Variants in CRX observed in about 807,000 individuals in gnomAD.
The protein encoded by CRX is cone-rod homeobox.
A neutral mutation model predicts 13.1 loss-of-function variants in CRX; 5 were observed. That is an observed-to-expected ratio of 0.38 (90% CI 0.20 to 0.80). The LOEUF (loss-of-function observed/expected upper bound fraction) is 0.80. CRX is among the 30% of genes least tolerant of loss of function. The pLI is 0.43. For synonymous variants in CRX, 179 were observed against 171.1 expected (o/e 1.05, Z -0.36); for missense variants, 351 against 391.8 (o/e 0.90, Z 0.88).
chr19:47,837,649 CAGAT>C (rs139726699), intron 3 of CRX, among the ~76,000 whole-genome samples: 26,834 of 151,894 alleles, frequency 0.18, 2,617 homozygotes, highest in Non-Finnish European at 0.22. Context: ...TTTGTATAAT[CAGAT>C]GGATGGATGA....
intron 1 of CRX, among the ~76,000 whole-genome samples, chr19:47,827,902 C>T (rs1227334535): frequency 3.5e-5 from 5 of 141,916 alleles, no homozygotes; most frequent in African/African-American, 5.3e-5. Flanking sequence ...GCCTGTAATC[C>T]CAGCACTTTG....
intron 1 of CRX, among the ~76,000 whole-genome samples, chr19:47,832,546 C>T (rs1968065481): frequency 6.6e-6 from 1 of 151,574 alleles, no homozygotes; most frequent in African/African-American, 2.4e-5. Flanking sequence ...GGTGTGGTGG[C>T]ACCATTTTGG....
intron 1 of CRX, among the ~76,000 whole-genome samples, chr19:47,824,409 G>A (rs1967950159): frequency 6.6e-6 from 1 of 152,076 alleles, no homozygotes; most frequent in African/African-American, 2.4e-5. Context: ...CCGCTGACGT[G>A]CGAGACAGAA....
chr19:47,824,311 G>C (rs117357408), intron 1 of CRX, among the ~76,000 whole-genome samples: 15,495 of 152,226 alleles, frequency 0.1, 1,063 homozygotes, highest in Non-Finnish European at 0.13. Flanking sequence ...GCTCCGTGGG[G>C]CTGTGGGGAG....
chr19:47,839,999 C>G lies in CRX; in HGVS notation c.*32C>G, dbSNP rs146699567. ...CAGTCTCCATCTCTCTCCATCGGGC[C>G]TCGGGACCCTTTCTCTTCTGAATCT... On this transcript the variant is annotated 3_prime_UTR_variant, in exon 4 of 4. Coordinates refer to ENST00000221996, the MANE Select transcript of CRX (RefSeq NM_000554.6). The surrounding 1 kb of genome is among the most constrained non-coding windows in gnomAD (Gnocchi z 4.6). The G allele has an allele frequency of 6.2e-7, 1 of 1,608,654 alleles. No homozygotes were observed. The highest frequency in any genetic ancestry group is 1.7e-5 in the Admixed American group (1 of 60,014).
Position 47,834,471 on chromosome 19 carries a change from C to G in CRX, c.28C>G (p.His10Asp), listed in dbSNP as rs139340178. 6.0e-4 allele frequency: 969 copies of G among 1,614,134 alleles called. 1 individual carries two copies. Among genetic ancestry groups the G allele is most frequent in the Admixed American group, 1.1e-3 (66 of 60,010 alleles). The change falls in exon 2 of 4, where the codon CAC becomes GAC. Residue 10 changes from histidine to aspartate, a missense_variant. Around this residue, in one of 3 missense-constraint regions of CRX, gnomAD observed 95 missense variants for 106.7 expected, o/e 0.89. Coordinates refer to ENST00000221996, the MANE Select transcript of CRX (RefSeq NM_000554.6). ...GATGGCGTATATGAACCCGGGGCCC[C>G]ACTATTCTGTCAACGCCTTGGCCCT... MMAYMNPGP[H>D]YSVNALALSG...
rs1274853417 is a variant in CRX at position 47,842,284 on chromosome 19, A to AT, written c.*2319dup. On this transcript the variant is annotated 3_prime_UTR_variant, in exon 4 of 4. Transcript: ENST00000221996. Reference sequence around the variant, plus strand: ...CCTGAGTCATGCTGGGTTCTGGGACATTAAGCCCAGGAGTGGGCCGGGTGC... The same window carrying AT: ...CCTGAGTCATGCTGGGTTCTGGGACATTTAAGCCCAGGAGTGGGCCGGGTGC... The AT allele has an allele frequency of 2.0e-5, 3 of 152,376 alleles. No homozygotes were observed. The highest frequency in any genetic ancestry group is 4.8e-5 in the African/African-American group (2 of 41,470). 9.4% of individuals were successfully genotyped at this position (152,376 alleles called of 1,614,324 possible).
rs548809331 is a variant in CRX, at chr19:47,836,573, G to A, written c.252+179G>A. On this transcript the variant is annotated intron_variant, in intron 3 of 3. Transcript: ENST00000221996. ...CGCCTCATGGCTCTCATTGCCCCTC[G>A]CTCCTCTCCAGCTGCGCTGGCCCTG... Among the ~76,000 whole-genome samples, 13 of 152,228 alleles carry A rather than the reference G, an allele frequency of 8.5e-5. No homozygotes were observed. In the South Asian group the frequency reaches 2.1e-3, roughly 24 times the overall value.
intron 1 of CRX, among the ~76,000 whole-genome samples, chr19:47,832,105 G>GTTTTTTTTTTTTTTTTTTTTT (rs71180891): frequency 2.2e-5 from 2 of 91,988 alleles, no homozygotes; most frequent in Non-Finnish European, 2.1e-5. Context: ...GCAGCCTTAT[G>GTTTTTTTTTTTTTTTTTTTTT]TTTTTTTTTT....
At chr19:47,824,147 G>A (rs1432145325) in intron 1 of CRX, among the ~76,000 whole-genome samples, 1 of 152,190 alleles carries the variant, frequency 6.6e-6, no homozygotes, top group Non-Finnish European at 1.5e-5. Flanking sequence ...TGTTTCTAGG[G>A]TCCCTAGGTA....
Position 47,836,400 on chromosome 19 carries a change from G to A in CRX, c.252+6G>A, listed in dbSNP as rs765251530. Reference sequence around the variant, plus strand: ...TGCCTGAGTCCAGGGTTCAGGTGGGGTGGTGGGTCCCTGGACCCCTCCCGA... The same window carrying A: ...TGCCTGAGTCCAGGGTTCAGGTGGGATGGTGGGTCCCTGGACCCCTCCCGA... On this transcript the variant is annotated splice_donor_region_variant and intron_variant, in intron 3 of 3. Transcript: ENST00000221996. 3 of 1,614,228 alleles carry A rather than the reference G, an allele frequency of 1.9e-6. No homozygotes were observed. The highest frequency in any genetic ancestry group is 1.3e-5 in the African/African-American group (1 of 75,066).
Position 47,839,352 on chromosome 19 carries a change from G to GCAGCAGCGACAGCAGCAGAAA in CRX, c.293_313dup (p.Arg98_Gln104dup). ...TCAAGAACCGGAGGGCTAAATGCAG[G>GCAGCAGCGACAGCAGCAGAAA]CAGCAGCGACAGCAGCAGAAACAGC... On this transcript the variant is annotated inframe_insertion, in exon 4 of 4. Transcript: ENST00000221996. The surrounding 1 kb of genome is among the most constrained non-coding windows in gnomAD (Gnocchi z 4.6). 6.2e-7 allele frequency: 1 copy of GCAGCAGCGACAGCAGCAGAAA among 1,613,606 alleles called. No homozygotes were observed.
chr19:47,835,219 T>C (rs1174871615), intron 2 of CRX, among the ~76,000 whole-genome samples: 1 of 121,868 alleles, frequency 8.2e-6, no homozygotes, highest in Non-Finnish European at 1.8e-5. Flanking sequence ...ATAGAAAAAA[T>C]TATTATTATT....
Position 47,832,008 on chromosome 19 carries a change from G to C in CRX, c.-35-2401G>C, listed in dbSNP as rs1041169179. On this transcript the variant is annotated intron_variant, in intron 1 of 3. Coordinates refer to ENST00000221996, the MANE Select transcript of CRX (RefSeq NM_000554.6). ...CCTGCTTTGGCCTCCCAAAGTGCTG[G>C]GATTGCAGATGTGAGCCACCACACC... is the stretch of plus-strand genomic sequence containing the variant. Among the ~76,000 whole-genome samples, 4 of 144,510 alleles carry C rather than the reference G, an allele frequency of 2.8e-5. No individual in the cohort carries two copies. In the East Asian group the frequency reaches 8.1e-4, roughly 29 times the overall value. 94.8% of individuals were successfully genotyped at this position (144,510 alleles called of 152,430 possible).
At chr19:47,829,341 C>CT in intron 1 of CRX, among the ~76,000 whole-genome samples, 1 of 150,602 alleles carries the variant, frequency 6.6e-6, no homozygotes, top group Non-Finnish European at 1.5e-5. Flanking sequence ...TATTATGACT[C>CT]TTTTTTTGAG....
At chr19:47,830,408 A>G (rs1292821061) in intron 1 of CRX, among the ~76,000 whole-genome samples, 2 of 152,136 alleles carry the variant, frequency 1.3e-5, no homozygotes, top group African/African-American at 2.4e-5. Flanking sequence ...CAGCTGTTTC[A>G]AAGGAGAATT....
chr19:47,838,040 A>G (rs1359014736), intron 3 of CRX, among the ~76,000 whole-genome samples: 1 of 152,014 alleles, frequency 6.6e-6, no homozygotes, highest in Admixed American at 6.6e-5. Flanking sequence ...TGAAATATGT[A>G]TGTTTGTGTG....
chr19:47,836,504 G>A, intron 3 of CRX, 110 bp downstream of exon 3: 3 of 1,400,992 alleles, frequency 2.1e-6, no homozygotes, highest in Non-Finnish European at 3.0e-6. Context: ...GACAGCCAAA[G>A]TTATAAAGGG....
rs1968180426 is a variant in CRX at position 47,840,403 on chromosome 19, GTTTTGT to G, written c.*446_*451del. 4 of 213,710 alleles carry G rather than the reference GTTTTGT, an allele frequency of 1.9e-5. No individual in the cohort carries two copies. Among genetic ancestry groups the G allele is most frequent in the Non-Finnish European group, 3.8e-5 (4 of 105,366 alleles). The allele number at this position is 213,710 out of a possible 1,614,324, so 13.2% of individuals were successfully genotyped here. On this transcript the variant is annotated 3_prime_UTR_variant, in exon 4 of 4. Transcript: ENST00000221996. ...CCACGTGGACAGAATTTTTTTTTTT[GTTTTGT>G]TTTTGTTTTGCAGACACAGTCTAGC...
Sources: allele counts gnomAD v4.1 joint callset (sites outside exome capture counted in the v4.1 genomes callset), GRCh38; gene constraint gnomAD v4.1.1; regional missense constraint gnomAD v4.1.1; non-coding constraint Gnocchi (gnomAD v3.1); transcripts MANE v1.5; gene names NCBI Gene and HGNC (gene_info 2026-07-23, HGNC 2026-07-21).